MRPL42: variants seen among roughly 807,000 people sequenced by gnomAD.
MRPL42 encodes the protein large ribosomal subunit protein mL42.
A neutral mutation model predicts 17.9 loss-of-function variants in MRPL42; 17 were observed. The ratio of observed to expected loss-of-function variants is 0.95; its 90% CI spans 0.65 to 1.42. The LOEUF is 1.42. MRPL42 is among the 40% of genes most tolerant of loss of function. MRPL42 has a pLI of 0.00. For synonymous variants in MRPL42, 59 were observed against 54.4 expected (o/e 1.08, Z -0.37); for missense variants, 177 against 175.2 (o/e 1.01, Z -0.06).
In MRPL42 at chr12:93,502,855, A is replaced by G. The variant is rs1195681528; in HGVS notation, c.*1634A>G. The G allele has an allele frequency of 1.3e-5, 2 of 152,244 alleles. No individual in the cohort carries two copies. Among genetic ancestry groups the G allele is most frequent in the Admixed American group, 1.3e-4 (2 of 15,282 alleles). 9.4% of individuals were successfully genotyped at this position (152,244 alleles called of 1,614,324 possible). A position where few individuals can be genotyped will look rare whatever the true frequency, so the allele number is the denominator to read the frequency against. ...ATTTACCCAAGATGCCCACATCCAC[A>G]TACTTATGTGTCAGTGCTTTGGAGA... On this transcript the variant is annotated 3_prime_UTR_variant, in exon 6 of 6. Transcript: ENST00000549982.
Position 93,487,593 on chromosome 12 carries a change from G to A in MRPL42, c.316G>A (p.Gly106Arg), listed in dbSNP as rs780038043. 20 of 1,613,144 alleles carry A rather than the reference G, an allele frequency of 1.2e-5. No homozygotes were observed. The Admixed American group carries it at 2.3e-4, about 19-fold the overall frequency. ...AGAAAAAGTTGAACACCTTGAGGAA[G>A]GACCTATGATAGAACAACTTAGCAA... ...LEEKVEHLEE[G>R]PMIEQLSKMF... Residue 106 changes from glycine (G) to arginine (R), a missense_variant, in exon 5 of 6, where the codon GGA (glycine) becomes AGA (arginine). Gly to Arg is a moderately radical substitution (Grantham distance 125). Transcript: ENST00000549982.
chr12:93,470,141 T>C (rs2121157276), intron 2 of MRPL42, among the ~76,000 whole-genome samples: 1 of 152,300 alleles, frequency 6.6e-6, no homozygotes, highest in South Asian at 2.1e-4. Context: ...TGTCATTGTG[T>C]TTTTTCTATG....
At chr12:93,479,708 G>T (rs1445406434) in intron 4 of MRPL42, among the ~76,000 whole-genome samples, 1 of 151,444 alleles carries the variant, frequency 6.6e-6, no homozygotes, top group South Asian at 2.1e-4. Context: ...CAGTTTTCTG[G>T]TCTAAAAAAT....
rs138606792 is a variant in MRPL42, at chr12:93,501,189, C to T, written c.397C>T (p.Arg133Cys). Residue 133 changes from arginine (R) to cysteine (C), a missense_variant, in exon 6 of 6, where the codon CGT (arginine) becomes TGT (cysteine). Arg to Cys is a radical substitution (Grantham distance 180). Transcript: ENST00000549982. ...WYPHGRYHRC[R>C]KNLNPPKDR ...CTTCTTTTCAAGGTATCACAGATGT[C>T]GTAAGAATCTGAATCCTCCAAAAGA... The T allele has an allele frequency of 8.4e-5, 135 of 1,599,272 alleles. No individual in the cohort carries two copies. The highest frequency in any genetic ancestry group is 2.0e-4 in the Middle Eastern group (1 of 5,006).
At chr12:93,478,498 TG>T (rs1340743265) in intron 3 of MRPL42, among the ~76,000 whole-genome samples, 1 of 152,104 alleles carries the variant, frequency 6.6e-6, no homozygotes, top group Non-Finnish European at 1.5e-5. Context: ...TGATCCGCCT[TG>T]GCCTCCCAAA....
chr12:93,487,650 C>A lies in MRPL42; in HGVS notation c.373C>A (p.Pro125Thr). 4 of 1,604,712 alleles carry A rather than the reference C, an allele frequency of 2.5e-6. No homozygotes were observed. Among genetic ancestry groups the A allele is most frequent in the Non-Finnish European group, 3.4e-6 (4 of 1,176,168 alleles). The change falls in exon 5 of 6, where the codon CCT becomes ACT. Residue 125 changes from proline (P) to threonine (T), a missense_variant. Physicochemically the swap from Pro to Thr is conservative, Grantham distance 38. Coordinates refer to ENST00000549982, the MANE Select transcript of MRPL42 (RefSeq NM_014050.4). ...MFFTTKHRWYPHGRYHRCRKN... is the reference protein window; with the variant it reads ...MFFTTKHRWYTHGRYHRCRKN... ...CTTTACTACTAAGCACCGTTGGTAT[C>A]CTCATGGACGGTAAGTTTTCTTTTC...
rs1162737550 is a variant in MRPL42 at position 93,502,099 on chromosome 12, C to T, written c.*878C>T. On this transcript the variant is annotated 3_prime_UTR_variant, in exon 6 of 6. Coordinates refer to ENST00000549982, the MANE Select transcript of MRPL42 (RefSeq NM_014050.4). ...TGACAAAGGGGTGGTTTTCTTTCAC[C>T]CAAGAATGTGCTTTCCTGGAAATTT... 1 of 151,970 alleles carries T rather than the reference C, an allele frequency of 6.6e-6. No individual in the cohort carries two copies. The highest frequency in any genetic ancestry group is 1.9e-4 in the East Asian group (1 of 5,186). The allele number at this position is 151,970 out of a possible 1,614,324, so 9.4% of individuals were successfully genotyped here. A position where few individuals can be genotyped will look rare whatever the true frequency, so the allele number is the denominator to read the frequency against.
intron 2 of MRPL42, among the ~76,000 whole-genome samples, chr12:93,475,629 T>G (rs571763490): frequency 6.6e-6 from 1 of 152,302 alleles, no homozygotes; most frequent in African/African-American, 2.4e-5. Flanking sequence ...TTTAAATTTT[T>G]TTCTTTATAT....
At position 93,515,280 on chromosome 12, in the gene MRPL42, GATA is replaced by G. The variant is rs1565824317; in HGVS notation, c.*14062_*14064del. The G allele has an allele frequency of 6.6e-6, 1 of 152,076 alleles. No homozygotes were observed. Among genetic ancestry groups the G allele is most frequent in the African/African-American group, 2.4e-5 (1 of 41,406 alleles). The allele number at this position is 152,076 out of a possible 1,614,324, so 9.4% of individuals were successfully genotyped here. A position where few individuals can be genotyped will look rare whatever the true frequency, so the allele number is the denominator to read the frequency against. On this transcript the variant is annotated 3_prime_UTR_variant, in exon 6 of 6. Coordinates refer to ENST00000549982, the MANE Select transcript of MRPL42 (RefSeq NM_014050.4). ...TGATGGAGTCATTCAGCTGACAAATGATAATGGCCTGGATTAAGGAAGGAGAAG... is the reference window on the plus strand; with the variant it reads ...TGATGGAGTCATTCAGCTGACAAATGATGGCCTGGATTAAGGAAGGAGAAG...
rs1398233025 is a variant in MRPL42 at position 93,511,806 on chromosome 12, A to G, written c.*10585A>G. ...GTGGTTTGAAGCTTTGTAGGAATCCAATTGGATGGATAGCAGCAGTGGTAA... is the reference window on the plus strand; with the variant it reads ...GTGGTTTGAAGCTTTGTAGGAATCCGATTGGATGGATAGCAGCAGTGGTAA... On this transcript the variant is annotated 3_prime_UTR_variant, in exon 6 of 6. Coordinates refer to ENST00000549982, the MANE Select transcript of MRPL42 (RefSeq NM_014050.4). 1 of 152,242 alleles carries G rather than the reference A, an allele frequency of 6.6e-6. No homozygotes were observed. Among genetic ancestry groups the G allele is most frequent in the Non-Finnish European group, 1.5e-5 (1 of 68,042 alleles). The allele number at this position is 152,242 out of a possible 1,614,324, so 9.4% of individuals were successfully genotyped here.
Position 93,509,344 on chromosome 12 carries a change from T to G in MRPL42, c.*8123T>G, listed in dbSNP as rs1953703086. The stretch of plus-strand genomic sequence containing the variant: ...TTCTAATGGATATATAGTAATAATT[T>G]GATGGTTTTAATTTGCATTTCTCTG... On this transcript the variant is annotated 3_prime_UTR_variant, in exon 6 of 6. Transcript: ENST00000549982. The G allele has an allele frequency of 6.6e-6, 1 of 152,208 alleles. No individual in the cohort carries two copies. Among genetic ancestry groups the G allele is most frequent in the Non-Finnish European group, 1.5e-5 (1 of 68,032 alleles). 9.4% of individuals were successfully genotyped at this position (152,208 alleles called of 1,614,324 possible). A position where few individuals can be genotyped will look rare whatever the true frequency, so the allele number is the denominator to read the frequency against.
chr12:93,476,782 C>G (rs144302729), intron 2 of MRPL42, among the ~76,000 whole-genome samples, 172 bp from the exon 3 acceptor site: 67 of 152,226 alleles, frequency 4.4e-4, no homozygotes, highest in African/African-American at 1.5e-3. Flanking sequence ...CAGACTATAC[C>G]CTTTTGAGGG....
intron 5 of MRPL42, chr12:93,487,870 C>T (rs1953335142): frequency 2.3e-6 from 1 of 436,712 alleles, no homozygotes; most frequent in Non-Finnish European, 4.0e-6. Flanking sequence ...AATCTCAGCT[C>T]ACTGCAGCCT....
intron 2 of MRPL42, 40 bp from the exon 3 acceptor site, chr12:93,476,914 A>C (rs1231452904): frequency 1.3e-6 from 2 of 1,547,118 alleles, no homozygotes; most frequent in Admixed American, 3.5e-5. Context: ...AAATATGCTC[A>C]AATTAACCAA....
At chr12:93,491,199 C>T (rs1953406105) in intron 5 of MRPL42, among the ~76,000 whole-genome samples, 1 of 152,168 alleles carries the variant, frequency 6.6e-6, no homozygotes, top group Non-Finnish European at 1.5e-5. Flanking sequence ...CCAAAACACA[C>T]ATTTTTAAAA....
rs1467879198 is a variant in MRPL42 at position 93,501,930 on chromosome 12, C to T, written c.*709C>T. On this transcript the variant is annotated 3_prime_UTR_variant, in exon 6 of 6. Coordinates refer to ENST00000549982, the MANE Select transcript of MRPL42 (RefSeq NM_014050.4). ...GTTTTACTATCTGCTAGGCCCCTTC[C>T]ATCAATTCTTATTAAATTCTCAAAA... 8.3e-6 allele frequency: 1 copy of T among 120,602 alleles called. No individual in the cohort carries two copies. Among genetic ancestry groups the T allele is most frequent in the Non-Finnish European group, 2.0e-5 (1 of 51,140 alleles). 7.5% of individuals were successfully genotyped at this position (120,602 alleles called of 1,614,324 possible). A position where few individuals can be genotyped will look rare whatever the true frequency, so the allele number is the denominator to read the frequency against.
In MRPL42 at chr12:93,513,636, C is replaced by G. The variant is rs898992282; in HGVS notation, c.*12415C>G. On this transcript the variant is annotated 3_prime_UTR_variant, in exon 6 of 6. Coordinates refer to ENST00000549982, the MANE Select transcript of MRPL42 (RefSeq NM_014050.4). Reference sequence around the variant, plus strand: ...ATAGAAATTATATTAATCTTAAATTCACATTTTCAGTGAAAGTTTTTAAAT... The same window carrying G: ...ATAGAAATTATATTAATCTTAAATTGACATTTTCAGTGAAAGTTTTTAAAT... 11 of 152,034 alleles carry G rather than the reference C, an allele frequency of 7.2e-5. No homozygotes were observed. Among genetic ancestry groups the G allele is most frequent in the African/African-American group, 2.7e-4 (11 of 41,382 alleles). 9.4% of individuals were successfully genotyped at this position (152,034 alleles called of 1,614,324 possible). A position where few individuals can be genotyped will look rare whatever the true frequency, so the allele number is the denominator to read the frequency against.
intron 3 of MRPL42, 73 bp from the exon 4 acceptor site, chr12:93,479,313 CAA>C (rs34328828): frequency 4.8e-3 from 3,512 of 725,430 alleles, no homozygotes; most frequent in South Asian, 0.011. Context: ...GAGTCCATCT[CAA>C]AAAAAAAAAA....
intron 4 of MRPL42, among the ~76,000 whole-genome samples, chr12:93,484,318 C>T (rs538433654): frequency 9.2e-5 from 14 of 152,050 alleles, no homozygotes; most frequent in Non-Finnish European, 5.9e-5. Flanking sequence ...GAGCTCAAGC[C>T]TCACAAAGTG....
Sources: allele counts gnomAD v4.1 joint callset (sites outside exome capture counted in the v4.1 genomes callset), GRCh38; gene constraint gnomAD v4.1.1; transcripts MANE v1.5; gene names NCBI Gene and HGNC (gene_info 2026-07-23, HGNC 2026-07-21).